ASXL1: variants seen among roughly 807,000 people sequenced by gnomAD.
The protein encoded by ASXL1 is ASXL transcriptional regulator 1.
In ASXL1, 65 loss-of-function variants were observed where a neutral mutation model predicts 89.1. The observed-to-expected ratio is 0.73, with a 90% CI of 0.60 to 0.90. The LOEUF (loss-of-function observed/expected upper bound fraction) is 0.90. Among genes scored for constraint, ASXL1 ranks in the 40% least tolerant of loss-of-function variants. The pLI, the probability that ASXL1 is intolerant of heterozygous loss-of-function variation, is 0.00. For missense variants in ASXL1, 1,786 were observed against 1,942.9 expected (o/e 0.92, Z 1.52); for synonymous variants, 739 against 746.9 (o/e 0.99, Z 0.17).
rs750618937 is a variant in ASXL1, at chr20:32,432,953, A to G, written c.1053A>G (p.Lys351=). Residue 351 remains lysine (K), a synonymous_variant, in exon 11 of 13, where the codon AAA becomes AAG. Coordinates refer to ENST00000375687, the MANE Select transcript of ASXL1 (RefSeq NM_015338.6). ...AGGAAAAGAAGGTGGAACAATGGAA[A>G]GAAAAGTTCTTTGAAGACTACTATG... is the stretch of plus-strand genomic sequence containing the variant. ...MEKEKKVEQW[K]EKFFEDYYGQ... 1.9e-6 allele frequency: 3 copies of G among 1,613,948 alleles called. No individual in the cohort carries two copies. Among genetic ancestry groups the G allele is most frequent in the Non-Finnish European group, 2.5e-6 (3 of 1,180,038 alleles).
intron 4 of ASXL1, among the ~76,000 whole-genome samples, chr20:32,375,236 C>T (rs1276417429): frequency 4.6e-5 from 7 of 152,026 alleles, no homozygotes; most frequent in African/African-American, 7.2e-5. Context: ...GAGGCTGAGT[C>T]GGGCGGATCA....
intron 4 of ASXL1, among the ~76,000 whole-genome samples, chr20:32,396,162 T>C (rs977423481): frequency 1.3e-5 from 2 of 152,240 alleles, no homozygotes; most frequent in Non-Finnish European, 2.9e-5. Flanking sequence ...ATGTGAAATA[T>C]AATAACTTTT....
intron 1 of ASXL1, among the ~76,000 whole-genome samples, chr20:32,365,971 A>C (rs546568286): frequency 2.0e-5 from 3 of 152,228 alleles, no homozygotes; most frequent in East Asian, 3.9e-4. Context: ...CTAAAATACA[A>C]AAATTAGTGT....
chr20:32,365,675 A>T (rs2048192408), intron 1 of ASXL1, among the ~76,000 whole-genome samples: 1 of 152,216 alleles, frequency 6.6e-6, no homozygotes, highest in South Asian at 2.1e-4. Flanking sequence ...ACACTAAGAA[A>T]ATACTGCAAT....
chr20:32,418,164 C>G (rs1319098798), intron 4 of ASXL1, among the ~76,000 whole-genome samples: 4 of 151,508 alleles, frequency 2.6e-5, no homozygotes, highest in African/African-American at 7.3e-5. Context: ...GATGACAGAG[C>G]AAGACTCTGT....
chr20:32,421,236 TTA>T (rs2049242664), intron 4 of ASXL1, among the ~76,000 whole-genome samples: 1 of 113,678 alleles, frequency 8.8e-6, no homozygotes, highest in African/African-American at 3.2e-5. Context: ...AAAGTAAAAT[TTA>T]AAAAAAAAAA....
chr20:32,367,278 G>A (rs1263045318), intron 2 of ASXL1, among the ~76,000 whole-genome samples: 1 of 152,186 alleles, frequency 6.6e-6, no homozygotes, highest in African/African-American at 2.4e-5. Flanking sequence ...AGCTTGGGAG[G>A]CGGAGGCTGG....
chr20:32,399,225 GA>G (rs1342906517), intron 4 of ASXL1, among the ~76,000 whole-genome samples: 1 of 151,678 alleles, frequency 6.6e-6, no homozygotes, highest in Non-Finnish European at 1.5e-5. Flanking sequence ...AAAAAAAAAA[GA>G]ATACGTAGTT....
chr20:32,426,234 T>G (rs1033456879), intron 4 of ASXL1, among the ~76,000 whole-genome samples: 1 of 152,166 alleles, frequency 6.6e-6, no homozygotes. Context: ...TGGCTAATAG[T>G]TTTCCGTTGG....
chr20:32,420,542 TAC>T (rs2049224421), intron 4 of ASXL1, among the ~76,000 whole-genome samples: 1 of 152,230 alleles, frequency 6.6e-6, no homozygotes, highest in Non-Finnish European at 1.5e-5. Flanking sequence ...CAAACTAGTA[TAC>T]GTTATGCATT....
chr20:32,381,182 G>C (rs2048479754), intron 4 of ASXL1, among the ~76,000 whole-genome samples: 1 of 152,206 alleles, frequency 6.6e-6, no homozygotes, highest in South Asian at 2.1e-4. Context: ...GGCTTCGGTA[G>C]TAGAAGTAGT....
chr20:32,412,364 T>C (rs1412298862), intron 4 of ASXL1, among the ~76,000 whole-genome samples: 1 of 152,188 alleles, frequency 6.6e-6, no homozygotes, highest in African/African-American at 2.4e-5. Flanking sequence ...CAAATCTAAC[T>C]AGAACTCAGT....
chr20:32,373,633 G>A (rs536040791), intron 4 of ASXL1, among the ~76,000 whole-genome samples: 22 of 152,202 alleles, frequency 1.4e-4, no homozygotes, highest in Non-Finnish European at 2.4e-4. Flanking sequence ...TTGGGAGGTT[G>A]CGGTGGGTGG....
intron 4 of ASXL1, among the ~76,000 whole-genome samples, chr20:32,392,342 G>A (rs8124037): frequency 0.33 from 49,800 of 149,844 alleles, 9,765 homozygotes; most frequent in Middle Eastern, 0.52. Flanking sequence ...GAGTGCAGTG[G>A]CGCAATCTTG....
rs11468819 is a variant in ASXL1 at position 32,415,933 on chromosome 20, GAAAACA to G, written c.253-12179_253-12174del. On this transcript the variant is annotated intron_variant, in intron 4 of 12. Coordinates refer to ENST00000375687, the MANE Select transcript of ASXL1 (RefSeq NM_015338.6). ...AAGAAAAGAAAAAATATTTAAAAAA[GAAAACA>G]AAAACAAAAACAAAACAAACCCTTA... Among the ~76,000 whole-genome samples the G allele has an allele frequency of 7.2e-3, 1,094 of 152,098 alleles. 12 individuals are homozygous for G. Among genetic ancestry groups the G allele is most frequent in the African/African-American group, 0.024 (982 of 41,494 alleles).
intron 8 of ASXL1, chr20:32,430,897 C>T: frequency 2.3e-6 from 1 of 432,472 alleles, no homozygotes; most frequent in Non-Finnish European, 4.4e-6. Flanking sequence ...GAGATCATCC[C>T]TCTCCAGCCC....
intron 4 of ASXL1, chr20:32,371,920 A>G: frequency 2.8e-6 from 1 of 359,460 alleles, no homozygotes; most frequent in Non-Finnish European, 5.3e-6. Flanking sequence ...TATATAGCTT[A>G]TTGTTACATA....
intron 4 of ASXL1, among the ~76,000 whole-genome samples, chr20:32,400,145 T>C (rs2048848166): frequency 6.6e-6 from 1 of 152,174 alleles, no homozygotes. Context: ...TTTGAATATA[T>C]GAAATGCAGA....
At chr20:32,420,499 T>A (rs1020910651) in intron 4 of ASXL1, among the ~76,000 whole-genome samples, 1 of 152,230 alleles carries the variant, frequency 6.6e-6, no homozygotes, top group African/African-American at 2.4e-5. Context: ...GTTTATTTTT[T>A]TTCAACATTA....
Sources: allele counts gnomAD v4.1 joint callset (sites outside exome capture counted in the v4.1 genomes callset), GRCh38; gene constraint gnomAD v4.1.1; transcripts MANE v1.5; gene names NCBI Gene and HGNC (gene_info 2026-07-23, HGNC 2026-07-21).